PTPRE: variants seen among roughly 807,000 people sequenced by gnomAD.
The protein encoded by PTPRE is protein tyrosine phosphatase receptor type E, also known as receptor-type tyrosine-protein phosphatase epsilon.
PTPRE carries 51 observed loss-of-function variants against 102.0 expected under a neutral mutation model. The observed-to-expected ratio is 0.50, with a 90% CI of 0.40 to 0.63. The LOEUF (loss-of-function observed/expected upper bound fraction) is 0.63, where lower values mean the gene tolerates loss of function less well. Ranked by LOEUF, PTPRE falls within the 30% of genes least tolerant of loss-of-function variation. The pLI, the probability that PTPRE is intolerant of heterozygous loss-of-function variation, is 0.00. For synonymous variants in PTPRE, 345 were observed against 348.2 expected (o/e 0.99, Z 0.10); for missense variants, 752 against 915.1 (o/e 0.82, Z 2.30).
chr10:127,997,085 G>T (rs117665548), intron 2 of PTPRE, among the ~76,000 whole-genome samples: 1 of 152,126 alleles, frequency 6.6e-6, no homozygotes, highest in African/African-American at 2.4e-5. Flanking sequence ...AATTTGGGCC[G>T]AACTTAGATT....
intron 7 of PTPRE, among the ~76,000 whole-genome samples, chr10:128,059,552 AG>A (rs1488013929): frequency 6.6e-6 from 1 of 152,186 alleles, no homozygotes; most frequent in Non-Finnish European, 1.5e-5. Flanking sequence ...AAGCAGGGAG[AG>A]GACCTAGAGT....
intron 1 of PTPRE, among the ~76,000 whole-genome samples, chr10:127,942,537 G>A (rs568259104): frequency 7.2e-5 from 11 of 152,320 alleles, no homozygotes; most frequent in South Asian, 2.1e-4. Flanking sequence ...ATGCTGTTCC[G>A]TCCTAAAAAG....
chr10:127,978,882 G>T (rs1851394871), intron 1 of PTPRE, among the ~76,000 whole-genome samples: 1 of 152,064 alleles, frequency 6.6e-6, no homozygotes, highest in Non-Finnish European at 1.5e-5. Context: ...TTAGCCAGGT[G>T]TGGTGGTGTG....
chr10:128,039,870 T>A (rs1219181755), intron 2 of PTPRE, among the ~76,000 whole-genome samples: 5 of 152,200 alleles, frequency 3.3e-5, no homozygotes. Context: ...CACCTGCACC[T>A]GCCAGTGAGC....
chr10:127,913,138 C>T (rs933607912), intron 1 of PTPRE, among the ~76,000 whole-genome samples: 1 of 152,098 alleles, frequency 6.6e-6, no homozygotes, highest in Admixed American at 6.5e-5. Flanking sequence ...GGCAGCTGCA[C>T]GGGGATCGGT....
Position 128,082,904 on chromosome 10 carries a change from TGAA to T in PTPRE, c.*1_*3del, listed in dbSNP as rs1288758124. ...ATTTTCTGATTATGCTAATTTCAAATGAAGATTCCTGCCTTAAAATATTTTTTA... is the reference window on the plus strand; with the variant it reads ...ATTTTCTGATTATGCTAATTTCAAATGATTCCTGCCTTAAAATATTTTTTA... On this transcript the variant is annotated stop_retained_variant and 3_prime_UTR_variant, in exon 21 of 21. Transcript: ENST00000254667. 6.4e-7 allele frequency: 1 copy of T among 1,552,976 alleles called. No individual in the cohort carries two copies. The highest frequency in any genetic ancestry group is 8.6e-7 in the Non-Finnish European group (1 of 1,157,710).
chr10:127,999,818 G>C (rs1388825146), intron 2 of PTPRE: 1 of 985,410 alleles, frequency 1.0e-6, no homozygotes, highest in African/African-American at 1.7e-5. Context: ...AATTACAAAG[G>C]GAATACTCAG....
chr10:128,056,620 C>A (rs1266282166), intron 7 of PTPRE, among the ~76,000 whole-genome samples: 1 of 152,220 alleles, frequency 6.6e-6, no homozygotes, highest in Non-Finnish European at 1.5e-5. Flanking sequence ...CCACAAGCTG[C>A]AAATCCCTAG....
intron 11 of PTPRE, among the ~76,000 whole-genome samples, chr10:128,067,489 TACAC>T (rs549724498): frequency 4.5e-4 from 65 of 145,982 alleles, no homozygotes; most frequent in African/African-American, 1.0e-3. Flanking sequence ...CGTGCGCACA[TACAC>T]ACATTCACCC....
chr10:127,965,491 G>A (rs1394552565), intron 1 of PTPRE, among the ~76,000 whole-genome samples: 1 of 152,196 alleles, frequency 6.6e-6, no homozygotes, highest in Non-Finnish European at 1.5e-5. Flanking sequence ...GAAGGTCAGG[G>A]TTCGTCCCTA....
chr10:127,932,227 T>C (rs991570606), intron 1 of PTPRE, among the ~76,000 whole-genome samples: 1 of 152,216 alleles, frequency 6.6e-6, no homozygotes, highest in African/African-American at 2.4e-5. Flanking sequence ...ACACGCAAAG[T>C]CTATATTGAA....
chr10:127,909,786 G>A (rs759285975), intron 1 of PTPRE, among the ~76,000 whole-genome samples: 8 of 152,356 alleles, frequency 5.3e-5, no homozygotes, highest in Middle Eastern at 6.8e-3. Context: ...AGACCTTCCC[G>A]AAGCGCATGT....
intron 2 of PTPRE, among the ~76,000 whole-genome samples, chr10:128,017,437 A>T (rs1265539236): frequency 6.6e-6 from 1 of 151,758 alleles, no homozygotes; most frequent in African/African-American, 2.4e-5. Context: ...CAGGGTGAGA[A>T]TTTTTTTTCT....
At chr10:127,949,310 G>A (rs1027039932) in intron 1 of PTPRE, among the ~76,000 whole-genome samples, 1 of 152,092 alleles carries the variant, frequency 6.6e-6, no homozygotes. Flanking sequence ...TATTAGTTCT[G>A]TCTCTCTGGA....
chr10:128,047,351 G>A (rs747481476), intron 3 of PTPRE, 39 bp from the exon 4 acceptor site: 29 of 1,601,678 alleles, frequency 1.8e-5, no homozygotes, highest in South Asian at 3.3e-5. Flanking sequence ...AAACTGTGAA[G>A]TGAGGTCAGG....
At chr10:128,010,018 C>G (rs1844849855) in intron 2 of PTPRE, among the ~76,000 whole-genome samples, 2 of 151,406 alleles carry the variant, frequency 1.3e-5, no homozygotes, top group Admixed American at 1.3e-4. Context: ...CGTGGTCACC[C>G]TATTTATAGA....
At chr10:127,991,326 A>T (rs1331883960) in intron 2 of PTPRE, among the ~76,000 whole-genome samples, 1 of 152,200 alleles carries the variant, frequency 6.6e-6, no homozygotes, top group African/African-American at 2.4e-5. Context: ...TTAATTTTTA[A>T]TGAGTGATTC....
chr10:127,997,362 C>T (rs1173740055), intron 2 of PTPRE, among the ~76,000 whole-genome samples: 2 of 152,200 alleles, frequency 1.3e-5, no homozygotes, highest in African/African-American at 4.8e-5. Context: ...GGTAATCTCC[C>T]AAGTCCCTCT....
At chr10:128,065,934 A>C (rs1466517231) in intron 10 of PTPRE, 141 bp from the exon 11 acceptor site, 1 of 1,246,440 alleles carries the variant, frequency 8.0e-7, no homozygotes, top group African/African-American at 1.5e-5. Flanking sequence ...CAAGAGGTCG[A>C]CACACGTGAA....
Sources: gnomAD v4.1 joint callset for allele counts (sites outside exome capture counted in the v4.1 genomes callset) on GRCh38, gnomAD v4.1.1 for gene constraint, MANE v1.5 for transcripts, NCBI Gene and HGNC (gene_info 2026-07-23, HGNC 2026-07-21) for gene names.